Variants in IL16 observed in about 807,000 individuals in gnomAD.
The protein encoded by IL16 is interleukin 16, also known as pro-interleukin-16.
In IL16, 67 loss-of-function variants were observed where a neutral mutation model predicts 110.1. That is an observed-to-expected ratio of 0.61 (90% CI 0.50 to 0.75). IL16 has a LOEUF of 0.75. Ranked by LOEUF, IL16 falls within the 30% of genes least tolerant of loss-of-function variation. IL16 has a pLI of 0.00. For synonymous variants in IL16, 689 were observed against 662.9 expected, an observed-to-expected ratio of 1.04 and a Z score of -0.61; for missense variants, 1,545 against 1,655.0, an observed-to-expected ratio of 0.93 and a Z score of 1.15.
chr15:81,244,775 T>A (rs183866203), intron 2 of IL16, among the ~76,000 whole-genome samples: 3 of 152,292 alleles, frequency 2.0e-5, no homozygotes, highest in African/African-American at 7.2e-5. Flanking sequence ...CCATTCTCTT[T>A]CTCTCTCCTT....
Position 81,282,740 on chromosome 15 carries a change from C to T in IL16, c.1183C>T (p.Leu395=), listed in dbSNP as rs764063529. Residue 395 remains leucine, a synonymous_variant, in exon 9 of 19, where the codon CTG becomes TTG. Transcript: ENST00000683961. The part of the protein sequence containing the change: ...HTLSPGSVAH[L]DGRLRCGDEI... ...GCTGTCACCAGGATCCGTGGCGCACCTGGACGGACGTCTCCGGTATGTCCT... is the reference window on the plus strand; with the variant it reads ...GCTGTCACCAGGATCCGTGGCGCACTTGGACGGACGTCTCCGGTATGTCCT... 1.2e-6 allele frequency: 2 copies of T among 1,613,474 alleles called. No individual in the cohort carries two copies. The highest frequency in any genetic ancestry group is 2.2e-5 in the East Asian group (1 of 44,890).
At chr15:81,223,023 A>G (rs184045623) in intron 1 of IL16, among the ~76,000 whole-genome samples, 189 of 152,296 alleles carry the variant, frequency 1.2e-3, no homozygotes, top group Non-Finnish European at 2.3e-3. Flanking sequence ...GTAAAAGAGA[A>G]AACTACTCTA....
intron 18 of IL16, 138 bp downstream of exon 18, chr15:81,306,683 T>C (rs746969432): frequency 1.3e-4 from 141 of 1,058,500 alleles, no homozygotes; most frequent in Non-Finnish European, 1.9e-4. Context: ...CTGGTCCTTT[T>C]AGGGCTCAAT....
At chr15:81,207,246 C>CAAAAA (rs60442931) in intron 1 of IL16, among the ~76,000 whole-genome samples, 3 of 102,754 alleles carry the variant, frequency 2.9e-5, no homozygotes, top group Admixed American at 9.5e-5. Flanking sequence ...TCAAAAAAAA[C>CAAAAA]AAAAAAAAAA....
intron 2 of IL16, among the ~76,000 whole-genome samples, chr15:81,240,818 C>A (rs1441849919): frequency 6.6e-6 from 1 of 152,000 alleles, no homozygotes; most frequent in Non-Finnish European, 1.5e-5. Flanking sequence ...ATTTATCAAT[C>A]CTTTCCTTTA....
intron 2 of IL16, among the ~76,000 whole-genome samples, chr15:81,255,608 T>C (rs946813604): frequency 1.3e-5 from 2 of 152,262 alleles, no homozygotes; most frequent in South Asian, 4.1e-4. Context: ...CCAGGTGCCA[T>C]GGAAAGAAGA....
Position 81,282,767 on chromosome 15 carries a change from A to C in IL16, c.1199+11A>C, listed in dbSNP as rs772129983. 4 of 1,580,650 alleles carry C rather than the reference A, an allele frequency of 2.5e-6. No individual in the cohort carries two copies. The highest frequency in any genetic ancestry group is 3.5e-6 in the Non-Finnish European group (4 of 1,149,748). Reference sequence around the variant, plus strand: ...GGACGGACGTCTCCGGTATGTCCTCACTTCTGTTTCTGAATATACCCCCGA... The same window carrying C: ...GGACGGACGTCTCCGGTATGTCCTCCCTTCTGTTTCTGAATATACCCCCGA... On this transcript the variant is annotated intron_variant, in intron 9 of 18. Coordinates refer to ENST00000683961, the MANE Select transcript of IL16 (RefSeq NM_172217.5).
intron 1 of IL16, among the ~76,000 whole-genome samples, chr15:81,218,356 G>C (rs1192313049): frequency 6.6e-6 from 1 of 152,084 alleles, no homozygotes; most frequent in East Asian, 1.9e-4. Context: ...AAGAAAATTT[G>C]AACGAATATA....
intron 15 of IL16, 151 bp downstream of exon 15, chr15:81,301,663 C>T: frequency 1.6e-6 from 1 of 626,152 alleles, no homozygotes; most frequent in Middle Eastern, 4.3e-4. Flanking sequence ...TAGCACTTGA[C>T]CACAGTAAGA....
chr15:81,313,518 G>T lies in IL16; in HGVS notation c.*4720G>T. ...GAAATGGCCATGATACAGTGATCGCGTCTCATCCCTTGCTGTGCCCTCCAC... is the reference window on the plus strand; with the variant it reads ...GAAATGGCCATGATACAGTGATCGCTTCTCATCCCTTGCTGTGCCCTCCAC... On this transcript the variant is annotated 3_prime_UTR_variant, in exon 19 of 19. Transcript: ENST00000683961. 9.7e-7 allele frequency: 1 copy of T among 1,031,474 alleles called. No homozygotes were observed. The highest frequency in any genetic ancestry group is 1.3e-6 in the Non-Finnish European group (1 of 752,366). 63.9% of individuals were successfully genotyped at this position (1,031,474 alleles called of 1,614,324 possible). A position where few individuals can be genotyped will look rare whatever the true frequency, so the allele number is the denominator to read the frequency against.
intron 2 of IL16, among the ~76,000 whole-genome samples, chr15:81,256,557 A>G (rs1478973861): frequency 6.6e-6 from 1 of 151,534 alleles, no homozygotes; most frequent in Non-Finnish European, 1.5e-5. Flanking sequence ...GTGGTCTTGA[A>G]CTCCTTGAAC....
At chr15:81,183,747 G>A (rs1055082034) in intron 1 of IL16, among the ~76,000 whole-genome samples, 1 of 152,212 alleles carries the variant, frequency 6.6e-6, no homozygotes, top group African/African-American at 2.4e-5. Flanking sequence ...GGGGTGTAGG[G>A]AATAAGAACC....
intron 2 of IL16, among the ~76,000 whole-genome samples, chr15:81,234,998 T>C (rs1164936508): frequency 6.6e-6 from 1 of 152,206 alleles, no homozygotes; most frequent in African/African-American, 2.4e-5. Context: ...CTCTTTCTTG[T>C]ACCACTCTCA....
At chr15:81,289,421 T>G (rs1010834506) in intron 10 of IL16, among the ~76,000 whole-genome samples, 3 of 152,186 alleles carry the variant, frequency 2.0e-5, no homozygotes, top group African/African-American at 7.2e-5. Context: ...AAGCATGAGC[T>G]ACCATGCCCA....
chr15:81,188,228 T>A (rs1273227335), intron 1 of IL16: 1 of 425,334 alleles, frequency 2.4e-6, no homozygotes, highest in African/African-American at 2.0e-5. Context: ...AGATTGCAGG[T>A]AGTGTCGGGC....
intron 2 of IL16, among the ~76,000 whole-genome samples, chr15:81,230,677 T>C (rs1896940252): frequency 6.6e-6 from 1 of 152,170 alleles, no homozygotes; most frequent in Non-Finnish European, 1.5e-5. Context: ...GACTTCTAGG[T>C]TACCTTTCAT....
chr15:81,298,345 A>C (rs1900094292), intron 13 of IL16, among the ~76,000 whole-genome samples: 1 of 152,228 alleles, frequency 6.6e-6, no homozygotes, highest in South Asian at 2.1e-4. Context: ...AGTAGCAAGC[A>C]TCCCCCAAGG....
chr15:81,228,343 C>T (rs986905197), intron 2 of IL16, among the ~76,000 whole-genome samples: 38 of 141,822 alleles, frequency 2.7e-4, no homozygotes, highest in Admixed American at 1.4e-3. Context: ...TTTTTTGAGA[C>T]GGAGTCTCGC....
intron 1 of IL16, among the ~76,000 whole-genome samples, chr15:81,200,081 C>T (rs1196695191): frequency 6.6e-6 from 1 of 152,040 alleles, no homozygotes; most frequent in Non-Finnish European, 1.5e-5. Flanking sequence ...AACCAACTTC[C>T]TTTTTCTAAA....
Sources: allele counts gnomAD v4.1 joint callset (sites outside exome capture counted in the v4.1 genomes callset), GRCh38; gene constraint gnomAD v4.1.1; transcripts MANE v1.5; gene names NCBI Gene and HGNC (gene_info 2026-07-23, HGNC 2026-07-21).